The following ADGRG6 variants were observed in gnomAD, a reference collection of about 807,000 sequenced individuals.
The protein encoded by ADGRG6 is G-protein coupled receptor 126.
Under a neutral mutation model 142.4 loss-of-function variants are expected in ADGRG6, and 84 were observed. The ratio of observed to expected loss-of-function variants is 0.59; its 90% CI spans 0.49 to 0.71. The LOEUF is 0.71. Ranked by LOEUF, ADGRG6 falls within the 30% of genes least tolerant of loss-of-function variation. The pLI is 0.00. For synonymous variants in ADGRG6, 521 were observed against 520.5 expected, an observed-to-expected ratio of 1.00 and a Z score of -0.01; for missense variants, 1,367 against 1,466.6, an observed-to-expected ratio of 0.93 and a Z score of 1.11.
rs929126939 is a variant in ADGRG6, at chr6:142,412,990, C to T, written c.2541+1579C>T. The stretch of plus-strand genomic sequence containing the variant: ...AAATTTTATTATGAGTTTGTAATTA[C>T]GCATTATTTTTTCTGCTGCTATCTG... On this transcript the variant is annotated intron_variant, in intron 18 of 24. Coordinates refer to ENST00000367609, the MANE Select transcript of ADGRG6 (RefSeq NM_198569.3). Among the ~76,000 whole-genome samples the T allele has an allele frequency of 3.3e-5, 5 of 151,546 alleles. No individual in the cohort carries two copies. The East Asian group carries it at 5.8e-4, about 18-fold the overall frequency.
intron 1 of ADGRG6, 161 bp downstream of exon 1, chr6:142,302,492 G>C (rs1470036125): frequency 1.5e-6 from 1 of 677,900 alleles, no homozygotes; most frequent in Non-Finnish European, 2.4e-6. Context: ...GCCCCTCGAG[G>C]CACTGAGGAG....
At chr6:142,408,332 T>G in intron 16 of ADGRG6, 63 bp downstream of exon 16, 1 of 1,216,966 alleles carries the variant, frequency 8.2e-7, no homozygotes, top group Non-Finnish European at 1.1e-6. Flanking sequence ...TAGTGGGGCC[T>G]TTTTTTCTAC....
chr6:142,311,080 T>C (rs1023211034), intron 2 of ADGRG6, among the ~76,000 whole-genome samples: 3 of 151,888 alleles, frequency 2.0e-5, no homozygotes, highest in Non-Finnish European at 4.4e-5. Context: ...TTTAATCATT[T>C]GAATAAATGA....
At chr6:142,382,186 C>T (rs547318910) in intron 5 of ADGRG6, among the ~76,000 whole-genome samples, 167 bp downstream of exon 5, 17 of 152,216 alleles carry the variant, frequency 1.1e-4, no homozygotes, top group African/African-American at 2.6e-4. Flanking sequence ...GTGCACAGTA[C>T]GTACGGCATG....
At chr6:142,374,156 T>C (rs530693150) in intron 4 of ADGRG6, among the ~76,000 whole-genome samples, 25 of 152,264 alleles carry the variant, frequency 1.6e-4, no homozygotes, top group Non-Finnish European at 2.4e-4. Flanking sequence ...TCTAGCCCTT[T>C]AGGAGAACAT....
intron 9 of ADGRG6, among the ~76,000 whole-genome samples, chr6:142,394,846 C>A (rs764356910): frequency 2.6e-5 from 4 of 152,086 alleles, no homozygotes; most frequent in Non-Finnish European, 5.9e-5. Context: ...CTCAGCCCCC[C>A]CCAGAGTGCT....
chr6:142,338,028 T>TTTTTTTTTTTTG (rs1562321096), intron 2 of ADGRG6, among the ~76,000 whole-genome samples: 5 of 42,182 alleles, frequency 1.2e-4, no homozygotes, highest in East Asian at 8.9e-4. Flanking sequence ...TTTTTTTTTT[T>TTTTTTTTTTTTG]TTTTTTTTTT....
chr6:142,338,908 G>C (rs926331314), intron 2 of ADGRG6, among the ~76,000 whole-genome samples: 3 of 152,080 alleles, frequency 2.0e-5, no homozygotes, highest in African/African-American at 7.2e-5. Flanking sequence ...TCTTTCAATA[G>C]CTAACTCATT....
chr6:142,420,088 C>T lies in ADGRG6; in HGVS notation c.3303C>T (p.Ile1101=), dbSNP rs1776588221. The T allele has an allele frequency of 1.2e-6, 2 of 1,611,520 alleles. No homozygotes were observed. The highest frequency in any genetic ancestry group is 1.7e-6 in the Non-Finnish European group (2 of 1,178,134). Residue 1101 remains isoleucine (I), a synonymous_variant, in exon 22 of 25, where the codon ATC becomes ATT. Transcript: ENST00000367609. ...LNIPFMYLFS[I]FNSLQGLFIF... The stretch of plus-strand genomic sequence containing the variant: ...TCCCCTTCATGTACCTCTTCTCCAT[C>T]TTCAATTCATTACAAGGTAAGATAA...
At chr6:142,392,847 G>C (rs527448142) in intron 7 of ADGRG6, 101 bp from the exon 8 acceptor site, 1 of 745,518 alleles carries the variant, frequency 1.3e-6, no homozygotes, top group African/African-American at 1.8e-5. Context: ...GATTTTCCCA[G>C]GGTCTTATCT....
At chr6:142,414,917 C>A in intron 18 of ADGRG6, 52 bp from the exon 19 acceptor site, 1 of 1,529,948 alleles carries the variant, frequency 6.5e-7, no homozygotes, top group Non-Finnish European at 8.8e-7. Context: ...AAACAGAGAA[C>A]CATTCTCATG....
intron 16 of ADGRG6, among the ~76,000 whole-genome samples, chr6:142,408,692 T>A (rs1034646391): frequency 2.0e-4 from 31 of 152,220 alleles, no homozygotes; most frequent in African/African-American, 6.7e-4. Flanking sequence ...TTTTGAGAGG[T>A]TAGCAGTGGT....
chr6:142,436,995 T>G (rs1307864469), intron 22 of ADGRG6, among the ~76,000 whole-genome samples: 1 of 152,220 alleles, frequency 6.6e-6, no homozygotes, highest in Non-Finnish European at 1.5e-5. Context: ...AATATACATA[T>G]GTAAAATAGC....
intron 4 of ADGRG6, among the ~76,000 whole-genome samples, chr6:142,378,596 A>G (rs1361146576): frequency 6.6e-6 from 1 of 152,104 alleles, no homozygotes; most frequent in Non-Finnish European, 1.5e-5. Context: ...GCCTCTTCAA[A>G]TGTTCTTTTT....
At chr6:142,414,807 G>A (rs545333733) in intron 18 of ADGRG6, among the ~76,000 whole-genome samples, 162 bp from the exon 19 acceptor site, 6 of 152,170 alleles carry the variant, frequency 3.9e-5, no homozygotes, top group East Asian at 3.9e-4. Context: ...TTTATTGATC[G>A]AAAATAATAT....
At chr6:142,339,931 G>T (rs1400188979) in intron 2 of ADGRG6, among the ~76,000 whole-genome samples, 1 of 151,980 alleles carries the variant, frequency 6.6e-6, no homozygotes, top group Non-Finnish European at 1.5e-5. Context: ...TCATACATGT[G>T]TATTGCAGGT....
At chr6:142,393,192 G>A (rs1774991520) in intron 8 of ADGRG6, among the ~76,000 whole-genome samples, 192 bp downstream of exon 8, 1 of 152,056 alleles carries the variant, frequency 6.6e-6, no homozygotes, top group African/African-American at 2.4e-5. Context: ...GTTTTAAACT[G>A]TTTTGATCAT....
chr6:142,361,691 A>G (rs1286540971), intron 2 of ADGRG6, among the ~76,000 whole-genome samples: 1 of 152,182 alleles, frequency 6.6e-6, no homozygotes, highest in African/African-American at 2.4e-5. Flanking sequence ...ATTAATCCAG[A>G]GTTGGGGGTT....
chr6:142,436,696 G>A (rs1777505157), intron 22 of ADGRG6, among the ~76,000 whole-genome samples: 1 of 152,174 alleles, frequency 6.6e-6, no homozygotes, highest in African/African-American at 2.4e-5. Context: ...GGAATCAAGA[G>A]AAAGATCGAT....
Sources: allele counts gnomAD v4.1 joint callset (sites outside exome capture counted in the v4.1 genomes callset), GRCh38; gene constraint gnomAD v4.1.1; transcripts MANE v1.5; gene names NCBI Gene and HGNC (gene_info 2026-07-23, HGNC 2026-07-21).